Variants in IGF1R observed in about 807,000 individuals in gnomAD.
IGF1R encodes insulin-like growth factor 1 receptor.
Under a neutral mutation model 144.6 loss-of-function variants are expected in IGF1R, and 44 were observed. The ratio of observed to expected loss-of-function variants is 0.30; its 90% confidence interval spans 0.24 to 0.39. IGF1R has a LOEUF of 0.39. Among genes scored for constraint, IGF1R ranks in the 10% least tolerant of loss-of-function variants. The pLI is 1.00. For synonymous variants in IGF1R, 795 were observed against 722.8 expected, an observed-to-expected ratio of 1.10 and a Z score of -1.60; for missense variants, 1,355 against 1,833.7, an observed-to-expected ratio of 0.74 and a Z score of 4.77.
At chr15:98,812,882 G>A (rs552695179) in intron 2 of IGF1R, among the ~76,000 whole-genome samples, 189 of 152,260 alleles carry the variant, frequency 1.2e-3, no homozygotes, top group African/African-American at 4.4e-3. Flanking sequence ...GCCTTCACAC[G>A]TGCTGTGAAA....
chr15:98,805,160 T>C (rs555980704), intron 2 of IGF1R, among the ~76,000 whole-genome samples: 184 of 152,338 alleles, frequency 1.2e-3, no homozygotes, highest in Non-Finnish European at 2.2e-3. Flanking sequence ...TGAGGTGTTA[T>C]CGGAGCATTA....
At chr15:98,802,371 G>A (rs770022591) in intron 2 of IGF1R, among the ~76,000 whole-genome samples, 16 of 152,190 alleles carry the variant, frequency 1.1e-4, no homozygotes, top group Non-Finnish European at 2.2e-4. Flanking sequence ...GAAAACTCAT[G>A]GTGGTGAGCT....
intron 2 of IGF1R, among the ~76,000 whole-genome samples, chr15:98,867,971 C>T (rs1468133120): frequency 1.3e-5 from 2 of 152,094 alleles, no homozygotes; most frequent in Non-Finnish European, 2.9e-5. Flanking sequence ...GAGGCCAGGG[C>T]GGGCAGATCG....
intron 19 of IGF1R, among the ~76,000 whole-genome samples, chr15:98,944,097 A>T (rs56184248): frequency 0.051 from 7,725 of 152,230 alleles, 283 homozygotes; most frequent in African/African-American, 0.099. Flanking sequence ...AGAGATTGGG[A>T]TGGTGAGGAG....
Position 98,924,531 on chromosome 15 carries a change from C to G in IGF1R, c.2629C>G (p.Arg877Gly), listed in dbSNP as rs150221450. 1 of 1,614,016 alleles carries G rather than the reference C, an allele frequency of 6.2e-7. No homozygotes were observed. Among genetic ancestry groups the G allele is most frequent in the Non-Finnish European group, 8.5e-7 (1 of 1,179,954 alleles). The change falls in exon 13 of 21, where the codon CGA becomes GGA. Residue 877 changes from arginine to glycine, a missense_variant. Around this residue, in one of 7 missense-constraint regions of IGF1R, gnomAD observed 880 missense variants for 1,202.7 expected, o/e 0.73. Coordinates refer to ENST00000650285, the MANE Select transcript of IGF1R (RefSeq NM_000875.5). The stretch of plus-strand genomic sequence containing the variant: ...GTATGTTTTATTTCCCCAGGATCAG[C>G]GAGAATGTGTGTCCAGACAGGAATA... ...IKYGSQVEDQ[R>G]ECVSRQEYRK...
intron 10 of IGF1R, among the ~76,000 whole-genome samples, chr15:98,920,881 T>C (rs1347084765): frequency 1.3e-5 from 2 of 152,160 alleles, no homozygotes; most frequent in African/African-American, 2.4e-5. Flanking sequence ...CCCAAAGCCC[T>C]CTGCTCTCCC....
At chr15:98,692,093 T>C (rs967926430) in intron 1 of IGF1R, among the ~76,000 whole-genome samples, 6 of 152,054 alleles carry the variant, frequency 3.9e-5, no homozygotes, top group African/African-American at 1.2e-4. Context: ...CCCAGCACTT[T>C]GGGAGTCCGA....
chr15:98,806,687 T>C (rs954195421), intron 2 of IGF1R, among the ~76,000 whole-genome samples: 1 of 152,170 alleles, frequency 6.6e-6, no homozygotes, highest in Admixed American at 6.5e-5. Context: ...CTTGTGAACA[T>C]GTGCTGGACA....
At chr15:98,930,946 C>T (rs1448557129) in intron 15 of IGF1R, among the ~76,000 whole-genome samples, 6 of 152,182 alleles carry the variant, frequency 3.9e-5, no homozygotes, top group Admixed American at 2.6e-4. Flanking sequence ...TTGAGTGAGT[C>T]GGATTAGGGT....
At chr15:98,783,474 T>C (rs2055906686) in intron 2 of IGF1R, among the ~76,000 whole-genome samples, 4 of 152,234 alleles carry the variant, frequency 2.6e-5, no homozygotes, top group Admixed American at 1.3e-4. Context: ...GGTTGCTGTG[T>C]TTATCAATAG....
chr15:98,737,764 G>A (rs2054645373), intron 2 of IGF1R, among the ~76,000 whole-genome samples: 1 of 152,084 alleles, frequency 6.6e-6, no homozygotes, highest in African/African-American at 2.4e-5. Flanking sequence ...AGTGGAGGGA[G>A]AAAGAGACCT....
intron 2 of IGF1R, among the ~76,000 whole-genome samples, chr15:98,825,202 A>G (rs756505953): frequency 1.9e-4 from 28 of 150,214 alleles, no homozygotes; most frequent in Non-Finnish European, 3.5e-4. Context: ...GGCACCATAT[A>G]CAGTGGCACC....
chr15:98,655,748 G>T (rs1330867059), intron 1 of IGF1R, among the ~76,000 whole-genome samples: 17 of 150,388 alleles, frequency 1.1e-4, no homozygotes, highest in African/African-American at 3.4e-4. Flanking sequence ...TTGAGACAGG[G>T]TCTCTGGTCA....
At chr15:98,945,574 A>G (rs552843416) in intron 19 of IGF1R, among the ~76,000 whole-genome samples, 1 of 152,148 alleles carries the variant, frequency 6.6e-6, no homozygotes, top group African/African-American at 2.4e-5. Flanking sequence ...AACACCACAT[A>G]GTAAAATACC....
chr15:98,911,875 T>TCC (rs1491150304), intron 7 of IGF1R, among the ~76,000 whole-genome samples: 1 of 152,038 alleles, frequency 6.6e-6, no homozygotes, highest in Admixed American at 6.5e-5. Context: ...CTTATTCCTG[T>TCC]CTCTCTCTCT....
rs545698345 is a variant in IGF1R, at chr15:98,813,783, A to G, written c.641-77542A>G. Among the ~76,000 whole-genome samples the G allele has an allele frequency of 2.6e-5, 4 of 152,342 alleles. No homozygotes were observed. In the East Asian group the frequency reaches 5.8e-4, roughly 22 times the overall value. On this transcript the variant is annotated intron_variant, in intron 2 of 20. Coordinates refer to ENST00000650285, the MANE Select transcript of IGF1R (RefSeq NM_000875.5). ...AGTCCATTCCTTATGTCCGAATGCT[A>G]AGACTTGAGAAAGGTGGAGAGGAGC...
At chr15:98,667,925 G>A (rs573421491) in intron 1 of IGF1R, among the ~76,000 whole-genome samples, 4 of 152,148 alleles carry the variant, frequency 2.6e-5, no homozygotes, top group South Asian at 4.1e-4. Flanking sequence ...GGTGTTGCTC[G>A]TCCCTGGGTT....
At chr15:98,665,635 C>T (rs2052717800) in intron 1 of IGF1R, among the ~76,000 whole-genome samples, 1 of 152,182 alleles carries the variant, frequency 6.6e-6, no homozygotes, top group Non-Finnish European at 1.5e-5. Context: ...ATCTGCAACA[C>T]AAATTAGGGT....
chr15:98,862,779 T>C (rs2077476245), intron 2 of IGF1R, among the ~76,000 whole-genome samples: 1 of 152,256 alleles, frequency 6.6e-6, no homozygotes, highest in Non-Finnish European at 1.5e-5. Context: ...TTTCTTTTGC[T>C]TTATCAACTT....
Sources: allele counts gnomAD v4.1 joint callset (sites outside exome capture counted in the v4.1 genomes callset), GRCh38; gene constraint gnomAD v4.1.1; regional missense constraint gnomAD v4.1.1; transcripts MANE v1.5; gene names NCBI Gene and HGNC (gene_info 2026-07-23, HGNC 2026-07-21).